Variants in SH3RF3 observed in about 807,000 individuals in gnomAD.
SH3RF3 encodes SH3 domain containing ring finger 3, also known as E3 ubiquitin-protein ligase SH3RF3.
A neutral mutation model predicts 66.3 loss-of-function variants in SH3RF3; 29 were observed. That is an observed-to-expected ratio of 0.44 (90% CI 0.33 to 0.60). SH3RF3 has a LOEUF of 0.60. Ranked by LOEUF, SH3RF3 falls within the 20% of genes least tolerant of loss-of-function variation. The pLI, the probability that SH3RF3 is intolerant of heterozygous loss-of-function variation, is 0.04. For synonymous variants in SH3RF3, 583 were observed against 532.0 expected, an observed-to-expected ratio of 1.10 and a Z score of -1.32; for missense variants, 1,194 against 1,190.9, an observed-to-expected ratio of 1.00 and a Z score of -0.04.
intron 8 of SH3RF3, among the ~76,000 whole-genome samples, chr2:109,488,097 C>G (rs1553532095): frequency 6.6e-6 from 1 of 152,198 alleles, no homozygotes; most frequent in African/African-American, 2.4e-5. Flanking sequence ...GCCAGCAGCC[C>G]CAGAGCCTGC....
intron 1 of SH3RF3, among the ~76,000 whole-genome samples, chr2:109,172,826 C>T (rs963020053): frequency 7.2e-5 from 11 of 152,206 alleles, no homozygotes; most frequent in Admixed American, 2.6e-4. Flanking sequence ...CACGAAGCCT[C>T]GACTGGTGAG....
intron 9 of SH3RF3, among the ~76,000 whole-genome samples, chr2:109,499,611 AG>A (rs1679338074): frequency 6.6e-6 from 1 of 152,132 alleles, no homozygotes; most frequent in Non-Finnish European, 1.5e-5. Context: ...TCAGACTCTA[AG>A]CATAAGGGCC....
rs116029671 is a variant in SH3RF3 at position 109,374,876 on chromosome 2, C to T, written c.945+3195C>T. Reference sequence around the variant, plus strand: ...CATCAGCGCAGCTCAGGCCATGATGCTAAGCCCACGGTGGACCTCACAAAG... The same window carrying T: ...CATCAGCGCAGCTCAGGCCATGATGTTAAGCCCACGGTGGACCTCACAAAG... On this transcript the variant is annotated intron_variant, in intron 3 of 9. Transcript: ENST00000309415. Among the ~76,000 whole-genome samples the T allele has an allele frequency of 7.0e-3, 1,059 of 152,330 alleles. 12 individuals carry two copies. The highest frequency in any genetic ancestry group is 0.024 in the African/African-American group (986 of 41,582).
intron 3 of SH3RF3, among the ~76,000 whole-genome samples, chr2:109,387,919 A>G (rs3860483): frequency 0.52 from 78,820 of 150,624 alleles, 21,010 homozygotes; most frequent in South Asian, 0.61. Flanking sequence ...GACTCGTTCC[A>G]CTGCTCCCAC....
At chr2:109,167,621 G>GA (rs1466879901) in intron 1 of SH3RF3, among the ~76,000 whole-genome samples, 3 of 152,194 alleles carry the variant, frequency 2.0e-5, no homozygotes, top group African/African-American at 7.2e-5. Flanking sequence ...ACCCAGGCTG[G>GA]AGTGCAGCGG....
At chr2:109,491,301 CCAG>C (rs1344807409) in intron 9 of SH3RF3, among the ~76,000 whole-genome samples, 3 of 152,254 alleles carry the variant, frequency 2.0e-5, no homozygotes, top group Non-Finnish European at 4.4e-5. Context: ...GGCTGAGTCC[CCAG>C]TGGGCCTATG....
At chr2:109,260,229 C>T (rs983299940) in intron 1 of SH3RF3, among the ~76,000 whole-genome samples, 4 of 152,222 alleles carry the variant, frequency 2.6e-5, no homozygotes, top group East Asian at 1.9e-4. Context: ...TGTGATTTAC[C>T]GTCCTCTCCC....
chr2:109,247,342 G>A (rs962741381), intron 1 of SH3RF3, among the ~76,000 whole-genome samples: 3 of 152,160 alleles, frequency 2.0e-5, no homozygotes, highest in African/African-American at 4.8e-5. Flanking sequence ...GCCCCTCCCT[G>A]AACTTCGTTA....
intron 1 of SH3RF3, among the ~76,000 whole-genome samples, chr2:109,159,995 G>C (rs975988548): frequency 1.3e-5 from 2 of 152,154 alleles, no homozygotes; most frequent in African/African-American, 4.8e-5. Context: ...AATGTGATGC[G>C]CTTGAATCAT....
intron 8 of SH3RF3, among the ~76,000 whole-genome samples, chr2:109,487,912 C>T (rs1458011558): frequency 6.6e-6 from 1 of 152,212 alleles, no homozygotes; most frequent in Non-Finnish European, 1.5e-5. Flanking sequence ...AAAACAAACA[C>T]GACCCCTGTA....
chr2:109,501,295 A>G (rs369179509), intron 9 of SH3RF3, among the ~76,000 whole-genome samples: 1 of 152,244 alleles, frequency 6.6e-6, no homozygotes, highest in African/African-American at 2.4e-5. Flanking sequence ...AAAGGACAGC[A>G]GGGGGAAATG....
chr2:109,468,542 C>T (rs1359646529), intron 8 of SH3RF3, among the ~76,000 whole-genome samples: 1 of 152,048 alleles, frequency 6.6e-6, no homozygotes, highest in Non-Finnish European at 1.5e-5. Context: ...CGAGCACAAA[C>T]GATGACCAGT....
chr2:109,260,668 C>G (rs757918557), intron 1 of SH3RF3, among the ~76,000 whole-genome samples: 2 of 152,116 alleles, frequency 1.3e-5, no homozygotes, highest in East Asian at 3.9e-4. Context: ...CAATGGAGGC[C>G]CATGGGAGAA....
At chr2:109,273,685 C>T (rs575545678) in intron 1 of SH3RF3, among the ~76,000 whole-genome samples, 148 of 152,232 alleles carry the variant, frequency 9.7e-4, no homozygotes, top group African/African-American at 3.3e-3. Context: ...TGGGGACACA[C>T]GTTGTCAGGG....
intron 1 of SH3RF3, among the ~76,000 whole-genome samples, chr2:109,275,577 G>A (rs912647563): frequency 2.6e-5 from 4 of 152,200 alleles, no homozygotes; most frequent in Non-Finnish European, 5.9e-5. Context: ...GCACTCAAAA[G>A]AGTGCCCCGC....
chr2:109,174,845 A>G lies in SH3RF3; in HGVS notation c.573+44732A>G, dbSNP rs1048348009. On this transcript the variant is annotated intron_variant, in intron 1 of 9. Transcript: ENST00000309415. ...CAAGCTTCAGGGATAGGATAGCAGG[A>G]GCACAGGCAGTTTCTTTCTGCCCCT... is the stretch of plus-strand genomic sequence containing the variant. 5.9e-5 allele frequency among the ~76,000 whole-genome samples: 9 copies of G among 152,338 alleles called. No individual in the cohort carries two copies. The East Asian group carries it at 1.7e-3, about 29-fold the overall frequency.
intron 1 of SH3RF3, among the ~76,000 whole-genome samples, chr2:109,149,468 A>G (rs1166638292): frequency 2.0e-5 from 3 of 152,226 alleles, no homozygotes; most frequent in Non-Finnish European, 1.5e-5. Context: ...ACAGCATTTC[A>G]TGGACCTCAG....
chr2:109,366,289 C>CT (rs1259767111), intron 2 of SH3RF3, among the ~76,000 whole-genome samples: 1 of 152,070 alleles, frequency 6.6e-6, no homozygotes, highest in Non-Finnish European at 1.5e-5. Flanking sequence ...TTAAAAATAA[C>CT]TATCAAGTCC....
chr2:109,265,319 C>T (rs566218609), intron 1 of SH3RF3, among the ~76,000 whole-genome samples: 2 of 152,194 alleles, frequency 1.3e-5, no homozygotes, highest in South Asian at 2.1e-4. Context: ...GGGTGAGATG[C>T]GGAAAACAAG....
Sources: allele counts gnomAD v4.1 joint callset (sites outside exome capture counted in the v4.1 genomes callset), GRCh38; gene constraint gnomAD v4.1.1; transcripts MANE v1.5; gene names NCBI Gene and HGNC (gene_info 2026-07-23, HGNC 2026-07-21).